The following NPAS3 variants were observed in gnomAD, a reference collection of about 807,000 sequenced individuals.
NPAS3 encodes the protein neuronal PAS domain protein 3, also known as neuronal PAS domain-containing protein 3.
NPAS3 carries 14 observed loss-of-function variants against 73.1 expected under a neutral mutation model. That is an observed-to-expected ratio of 0.19 (90% confidence interval 0.13 to 0.30). The LOEUF is 0.30. Ranked by LOEUF, NPAS3 falls within the 10% of genes least tolerant of loss-of-function variation. NPAS3 has a pLI of 1.00. For synonymous variants in NPAS3, 620 were observed against 541.5 expected, an observed-to-expected ratio of 1.14 and a Z score of -2.01; for missense variants, 1,096 against 1,250.0, an observed-to-expected ratio of 0.88 and a Z score of 1.86.
intron 4 of NPAS3, among the ~76,000 whole-genome samples, chr14:33,418,415 T>TGCTGCTGG (rs1436183296): frequency 6.6e-6 from 1 of 151,964 alleles, no homozygotes; most frequent in East Asian, 1.9e-4. Context: ...AGGCAGTGTA[T>TGCTGCTGG]TAACAACCAA....
chr14:33,212,117 C>T (rs2047062270), intron 2 of NPAS3, among the ~76,000 whole-genome samples: 1 of 152,070 alleles, frequency 6.6e-6, no homozygotes, highest in Non-Finnish European at 1.5e-5. Flanking sequence ...ATAACTGGGC[C>T]CTACTTTACA....
intron 6 of NPAS3, among the ~76,000 whole-genome samples, chr14:33,711,163 A>G (rs1425578556): frequency 2.0e-5 from 3 of 152,230 alleles, no homozygotes; most frequent in Admixed American, 2.0e-4. Context: ...TGATTATCTT[A>G]TAACTGCACA....
chr14:33,726,010 T>A (rs956401851), intron 6 of NPAS3, among the ~76,000 whole-genome samples: 2 of 152,136 alleles, frequency 1.3e-5, no homozygotes, highest in Admixed American at 6.6e-5. Flanking sequence ...TTTCCCCCAT[T>A]TCAAAGGCTC....
intron 1 of NPAS3, among the ~76,000 whole-genome samples, chr14:33,009,245 G>T (rs1052495078): frequency 6.6e-6 from 1 of 152,118 alleles, no homozygotes; most frequent in African/African-American, 2.4e-5. Context: ...GGAATAAGAA[G>T]AAATTAAATA....
chr14:33,800,056 G>A lies in NPAS3; in HGVS notation c.1749G>A (p.Ser583=), dbSNP rs1269347334. ...TCACGTCCGACAGCGCCAAGGACTC[G>A]GACAGCGCAGGCGAGGCGGGCGCGC... is the stretch of plus-strand genomic sequence containing the variant. Residue 583 remains serine (S), a synonymous_variant, in exon 12 of 12, where the codon TCG becomes TCA. Coordinates refer to ENST00000356141, the Ensembl canonical transcript of NPAS3. This position sits in a 1 kb window ranked among gnomAD's most constrained non-coding sequence, Gnocchi z 6.5. The A allele has an allele frequency of 3.1e-6, 5 of 1,605,474 alleles. No homozygotes were observed. The highest frequency in any genetic ancestry group is 2.2e-5 in the East Asian group (1 of 44,714).
chr14:33,132,614 G>A (rs2043684139), intron 2 of NPAS3, among the ~76,000 whole-genome samples: 1 of 151,956 alleles, frequency 6.6e-6, no homozygotes, highest in African/African-American at 2.4e-5. Context: ...GTGAGAAGAC[G>A]GGAAGTTCAA....
At chr14:32,966,699 A>G (rs1448013135) in intron 1 of NPAS3, among the ~76,000 whole-genome samples, 1 of 98,896 alleles carries the variant, frequency 1.0e-5, no homozygotes, top group Non-Finnish European at 2.2e-5. Context: ...GAACCCGGGA[A>G]GCGGAGCTTG....
intron 6 of NPAS3, among the ~76,000 whole-genome samples, chr14:33,678,234 G>A (rs567161151): frequency 4.1e-4 from 63 of 152,158 alleles, no homozygotes; most frequent in Non-Finnish European, 8.1e-4. Flanking sequence ...TTGCGAGGCT[G>A]CCCACTCCCT....
At chr14:33,080,691 C>T (rs994108167) in intron 2 of NPAS3, among the ~76,000 whole-genome samples, 5 of 152,154 alleles carry the variant, frequency 3.3e-5, no homozygotes, top group Non-Finnish European at 5.9e-5. Flanking sequence ...ACCTGGGCAT[C>T]GCCTGGTTAC....
chr14:33,546,219 G>T (rs2054837145), intron 4 of NPAS3, among the ~76,000 whole-genome samples: 1 of 152,194 alleles, frequency 6.6e-6, no homozygotes, highest in African/African-American at 2.4e-5. Context: ...AGATATGAAA[G>T]AATCCATTCT....
chr14:33,399,431 G>A (rs747340476), intron 4 of NPAS3, among the ~76,000 whole-genome samples: 2 of 152,034 alleles, frequency 1.3e-5, no homozygotes, highest in African/African-American at 2.4e-5. Context: ...CAAGGAGAAT[G>A]AGGAAAAAGC....
intron 3 of NPAS3, among the ~76,000 whole-genome samples, chr14:33,216,815 A>T (rs1566687740): frequency 6.6e-6 from 1 of 152,220 alleles, no homozygotes; most frequent in Non-Finnish European, 1.5e-5. Flanking sequence ...TGAGGAGAAC[A>T]CACAACAGAG....
rs538238785 is a variant in NPAS3, at chr14:33,528,786, T to G, written c.469-31335T>G. On this transcript the variant is annotated intron_variant, in intron 4 of 11. Transcript: ENST00000356141. ...GATGTCACAGAAAACTTAGGAAGATTCTTAACTTCTAATATAACAACAGCA... is the reference window on the plus strand; with the variant it reads ...GATGTCACAGAAAACTTAGGAAGATGCTTAACTTCTAATATAACAACAGCA... Among the ~76,000 whole-genome samples, 51 of 152,100 alleles carry G rather than the reference T, an allele frequency of 3.4e-4. 1 individual carries two copies. The highest frequency in any genetic ancestry group is 2.9e-5 in the Non-Finnish European group (2 of 68,020).
intron 1 of NPAS3, among the ~76,000 whole-genome samples, chr14:32,967,145 C>T (rs2037208518): frequency 6.6e-6 from 1 of 152,114 alleles, no homozygotes; most frequent in African/African-American, 2.4e-5. Context: ...ACCAACCCCT[C>T]CTCTTTCTCT....
chr14:32,950,418 C>T (rs573130896), intron 1 of NPAS3, among the ~76,000 whole-genome samples: 54 of 152,156 alleles, frequency 3.5e-4, no homozygotes, highest in African/African-American at 1.3e-3. Flanking sequence ...GCATATTTTT[C>T]CATAACCTAT....
chr14:33,081,661 T>C (rs960150215), intron 2 of NPAS3, among the ~76,000 whole-genome samples: 3 of 152,228 alleles, frequency 2.0e-5, no homozygotes, highest in Non-Finnish European at 4.4e-5. Flanking sequence ...ATTCATAATT[T>C]AAACTGGATC....
intron 3 of NPAS3, among the ~76,000 whole-genome samples, chr14:33,252,439 C>A (rs1031560933): frequency 1.6e-4 from 24 of 151,634 alleles, no homozygotes; most frequent in African/African-American, 5.8e-4. Context: ...GAGTGACTAC[C>A]CTGTGCTAGA....
chr14:33,430,992 G>A (rs960392822), intron 4 of NPAS3, among the ~76,000 whole-genome samples: 1 of 152,130 alleles, frequency 6.6e-6, no homozygotes, highest in Non-Finnish European at 1.5e-5. Context: ...ATACATATCC[G>A]AAGATGAAAG....
At chr14:33,372,204 C>T (rs890886291) in intron 4 of NPAS3, among the ~76,000 whole-genome samples, 1 of 152,150 alleles carries the variant, frequency 6.6e-6, no homozygotes, top group Non-Finnish European at 1.5e-5. Context: ...AGCTTCCCTG[C>T]TACCTGTGCC....
Sources: gnomAD v4.1 joint callset for allele counts (sites outside exome capture counted in the v4.1 genomes callset) on GRCh38, gnomAD v4.1.1 for gene constraint, Gnocchi (gnomAD v3.1) non-coding constraint, MANE v1.5 for transcripts, NCBI Gene and HGNC (gene_info 2026-07-23, HGNC 2026-07-21) for gene names.